Variants in MYO16 observed in about 807,000 individuals in gnomAD.
The protein encoded by MYO16 is unconventional myosin-XVI.
A neutral mutation model predicts 205.3 loss-of-function variants in MYO16; 94 were observed. That is an observed-to-expected ratio of 0.46 (90% CI 0.39 to 0.54). The LOEUF (loss-of-function observed/expected upper bound fraction) is 0.54. Ranked by LOEUF, MYO16 falls within the 20% of genes least tolerant of loss-of-function variation. The pLI, the probability that MYO16 is intolerant of heterozygous loss-of-function variation, is 0.00. For missense variants in MYO16, 2,315 were observed against 2,387.5 expected (o/e 0.97, Z 0.63); for synonymous variants, 988 against 954.0 (o/e 1.04, Z -0.66).
chr13:109,035,340 C>G (rs975107262), intron 23 of MYO16, among the ~76,000 whole-genome samples: 7 of 152,060 alleles, frequency 4.6e-5, no homozygotes, highest in Non-Finnish European at 1.5e-5. Context: ...AAAAATACGT[C>G]AATATCTGCT....
At chr13:108,581,358 T>C in the MYO16 span, among the ~76,000 whole-genome samples, 21 of 152,344 alleles carry the variant, frequency 1.4e-4, no homozygotes, top group African/African-American at 4.3e-4. Flanking sequence ...ACCCAGATGA[T>C]ATAGACATAT....
intron 33 of MYO16, among the ~76,000 whole-genome samples, chr13:109,176,559 A>G (rs1222482861): frequency 3.3e-5 from 4 of 121,024 alleles, no homozygotes; most frequent in Non-Finnish European, 6.6e-5. Context: ...ACGGCAGCTA[A>G]ATAAAATATT....
chr13:108,784,204 T>C (rs1185851916), intron 4 of MYO16, among the ~76,000 whole-genome samples: 1 of 152,020 alleles, frequency 6.6e-6, no homozygotes, highest in Non-Finnish European at 1.5e-5. Context: ...ATTAGCAAAG[T>C]CTACTGAAGA....
chr13:108,716,758 A>G (rs947008849), intron 3 of MYO16, among the ~76,000 whole-genome samples: 1 of 152,238 alleles, frequency 6.6e-6, no homozygotes, highest in Non-Finnish European at 1.5e-5. Context: ...GAGTGTGGGC[A>G]TCAAGAATCA....
chr13:108,906,458 G>A (rs1479596763), intron 15 of MYO16, among the ~76,000 whole-genome samples: 1 of 152,128 alleles, frequency 6.6e-6, no homozygotes, highest in Non-Finnish European at 1.5e-5. Flanking sequence ...CCCAAATCCT[G>A]ATGTTAAATA....
At chr13:108,814,548 C>T (rs1462370225) in intron 7 of MYO16, among the ~76,000 whole-genome samples, 1 of 151,996 alleles carries the variant, frequency 6.6e-6, no homozygotes, top group East Asian at 1.9e-4. Flanking sequence ...TCCTGGGAAC[C>T]TACAATATAT....
chr13:109,008,726 ACTAT>A (rs1324188685), intron 21 of MYO16, among the ~76,000 whole-genome samples, 167 bp from the exon 22 acceptor site: 6 of 146,396 alleles, frequency 4.1e-5, no homozygotes, highest in Non-Finnish European at 9.0e-5. Flanking sequence ...GCACTACTGT[ACTAT>A]CTATCTTGTG....
At chr13:109,148,370 T>C (rs1877459128) in intron 32 of MYO16, among the ~76,000 whole-genome samples, 1 of 152,224 alleles carries the variant, frequency 6.6e-6, no homozygotes. Flanking sequence ...GCAGGAGGCC[T>C]ATAAACCAGA....
At position 108,823,197 on chromosome 13, in the gene MYO16, A is replaced by G. The variant is rs1448445915; in HGVS notation, c.1016A>G (p.Glu339Gly). 2.5e-5 allele frequency: 40 copies of G among 1,613,164 alleles called. No homozygotes were observed. Among genetic ancestry groups the G allele is most frequent in the Non-Finnish European group, 3.3e-5 (39 of 1,179,534 alleles). The change falls in exon 9 of 35, where the codon GAG (glutamate) becomes GGG (glycine). Residue 339 changes from glutamate (E) to glycine (G), a missense_variant. Coordinates refer to ENST00000457511, the MANE Select transcript of MYO16 (RefSeq NM_001198950.3). Reference protein sequence around the residue: ...AEIAWEEKMKEPLSASTLAQE... With the variant: ...AEIAWEEKMKGPLSASTLAQE... ...ATTGCCTGGGAAGAAAAAATGAAAG[A>G]GCCTTTATCTGCTTCTACCTTAGCT...
the MYO16 span, among the ~76,000 whole-genome samples, chr13:108,585,763 T>C: frequency 1.3e-5 from 2 of 152,058 alleles, no homozygotes; most frequent in African/African-American, 4.8e-5. Flanking sequence ...ACCCATCTGA[T>C]GAGAATTTGT....
intron 1 of MYO16, among the ~76,000 whole-genome samples, chr13:108,661,920 A>G (rs1458267194): frequency 1.3e-5 from 2 of 152,134 alleles, no homozygotes; most frequent in Non-Finnish European, 2.9e-5. Context: ...TTCCTCTGTC[A>G]GAGGAAAGGT....
upstream of MYO16, among the ~76,000 whole-genome samples, chr13:108,592,817 T>A (rs1422642977): frequency 1.3e-5 from 2 of 151,656 alleles, no homozygotes; most frequent in African/African-American, 2.4e-5. Context: ...ACAGGGCCAT[T>A]CTCAACAGTA....
At chr13:109,134,064 G>A (rs79059304) in intron 31 of MYO16, among the ~76,000 whole-genome samples, 3,109 of 152,232 alleles carry the variant, frequency 0.02, 116 homozygotes, top group African/African-American at 0.071. Context: ...GTTGTGTAGC[G>A]GTGATAATGT....
intron 16 of MYO16, among the ~76,000 whole-genome samples, chr13:108,945,826 T>G (rs1882918019): frequency 6.6e-6 from 1 of 152,214 alleles, no homozygotes; most frequent in African/African-American, 2.4e-5. Flanking sequence ...AAAGATTGCC[T>G]GTAGAGTGTA....
rs1400154340 is a variant in MYO16, at chr13:109,140,704, T to A, written c.4492T>A (p.Cys1498Ser). Reference protein sequence around the residue: ...DEAAGPPGDACDIPPPFPNLL... With the variant: ...DEAAGPPGDASDIPPPFPNLL... The stretch of plus-strand genomic sequence containing the variant: ...GGCGGCGGGGCCCCCAGGGGACGCG[T>A]GCGACATCCCGCCGCCCTTCCCCAA... Residue 1498 changes from cysteine (C) to serine (S), a missense_variant, in exon 32 of 35, where the codon TGC becomes AGC. Cys to Ser is a moderately radical substitution (Grantham distance 112). Coordinates refer to ENST00000457511, the MANE Select transcript of MYO16 (RefSeq NM_001198950.3). This position sits in a 1 kb window ranked among gnomAD's most constrained non-coding sequence, Gnocchi z 8.0. The A allele has an allele frequency of 1.3e-6, 2 of 1,486,936 alleles. No individual in the cohort carries two copies. The highest frequency in any genetic ancestry group is 1.8e-6 in the Non-Finnish European group (2 of 1,120,498). The allele number at this position is 1,486,936 out of a possible 1,614,324, so 92.1% of individuals were successfully genotyped here. A position where few individuals can be genotyped will look rare whatever the true frequency, so the allele number is the denominator to read the frequency against.
intron 1 of MYO16, among the ~76,000 whole-genome samples, chr13:108,632,959 G>C (rs1880054966): frequency 6.6e-6 from 1 of 152,164 alleles, no homozygotes; most frequent in South Asian, 2.1e-4. Context: ...TCTACCTGTG[G>C]AGTTCCCTTC....
chr13:108,949,014 T>C (rs1883043015), intron 16 of MYO16, among the ~76,000 whole-genome samples: 1 of 152,204 alleles, frequency 6.6e-6, no homozygotes, highest in Admixed American at 6.5e-5. Context: ...ATGAGTTAAT[T>C]AGAAATAGCA....
chr13:108,507,304 C>T, the MYO16 span, among the ~76,000 whole-genome samples: 3 of 152,018 alleles, frequency 2.0e-5, no homozygotes, highest in African/African-American at 4.8e-5. Flanking sequence ...TCTCTTAAGG[C>T]GGTCTGGTGG....
chr13:109,163,925 A>G (rs965620652), intron 32 of MYO16: 2 of 152,234 alleles, frequency 1.3e-5, no homozygotes, highest in Non-Finnish European at 2.9e-5. Flanking sequence ...ATAATTTATT[A>G]GTCTAAATCT....
Sources: gnomAD v4.1 joint callset for allele counts (sites outside exome capture counted in the v4.1 genomes callset) on GRCh38, gnomAD v4.1.1 for gene constraint, Gnocchi (gnomAD v3.1) non-coding constraint, MANE v1.5 for transcripts, NCBI Gene and HGNC (gene_info 2026-07-23, HGNC 2026-07-21) for gene names.